MLIP: variants seen among roughly 807,000 people sequenced by gnomAD.
The protein encoded by MLIP is muscular LMNA interacting protein.
MLIP carries 79 observed loss-of-function variants against 84.8 expected under a neutral mutation model. The observed-to-expected ratio is 0.93, with a 90% CI of 0.78 to 1.12. MLIP has a LOEUF of 1.12. Among genes scored for constraint, MLIP ranks in the 50% most tolerant of loss-of-function variants. The probability of loss-of-function intolerance (pLI) is 0.00; values close to 1 mark genes in which losing one functional copy is unlikely to be tolerated. For synonymous variants in MLIP, 504 were observed against 463.0 expected (o/e 1.09, Z -1.14); for missense variants, 1,257 against 1,160.6 (o/e 1.08, Z -1.21).
At chr6:54,200,676 T>G (rs1405739618) in intron 10 of MLIP, among the ~76,000 whole-genome samples, 3 of 146,108 alleles carry the variant, frequency 2.1e-5, no homozygotes, top group Non-Finnish European at 4.5e-5. Context: ...GTGTATACTC[T>G]ATGGCATGAC....
At chr6:54,063,097 T>A (rs1766063221) in intron 1 of MLIP, among the ~76,000 whole-genome samples, 1 of 151,966 alleles carries the variant, frequency 6.6e-6, no homozygotes, top group Non-Finnish European at 1.5e-5. Context: ...TCCCAGCTAC[T>A]TGGGAGGCTA....
Position 54,136,863 on chromosome 6 carries a change from A to G in MLIP, c.794A>G (p.Asp265Gly). 1 of 1,535,220 alleles carries G rather than the reference A, an allele frequency of 6.5e-7. No homozygotes were observed. The highest frequency in any genetic ancestry group is 8.7e-7 in the Non-Finnish European group (1 of 1,146,152). ...VLEEFHTRRL[D>G]VGGAVVEESA... Reference sequence around the variant, plus strand: ...GAGGAGTTCCACACTAGGAGGCTGGATGTCGGTGGGGCCGTGGTGGAAGAA... The same window carrying G: ...GAGGAGTTCCACACTAGGAGGCTGGGTGTCGGTGGGGCCGTGGTGGAAGAA... The change falls in exon 4 of 14, where the codon GAT becomes GGT. Residue 265 changes from aspartate (D) to glycine (G), a missense_variant. Asp to Gly is a moderately conservative substitution (Grantham distance 94, BLOSUM62 -1). Coordinates refer to ENST00000502396, the MANE Select transcript of MLIP (RefSeq NM_001281747.2).
At chr6:54,170,688 G>A (rs1335022712) in intron 9 of MLIP, among the ~76,000 whole-genome samples, 1 of 151,320 alleles carries the variant, frequency 6.6e-6, no homozygotes, top group Non-Finnish European at 1.5e-5. Flanking sequence ...TATGAAATGG[G>A]GATACTAATA....
At chr6:54,214,068 C>G (rs1779682941) in intron 11 of MLIP, among the ~76,000 whole-genome samples, 1 of 152,282 alleles carries the variant, frequency 6.6e-6, no homozygotes, top group African/African-American at 2.4e-5. Flanking sequence ...TCAAGTAACA[C>G]ATTTTCAAGC....
At chr6:54,117,509 C>T (rs1035934002) in intron 1 of MLIP, among the ~76,000 whole-genome samples, 5 of 151,636 alleles carry the variant, frequency 3.3e-5, no homozygotes, top group East Asian at 2.0e-4. Flanking sequence ...CCACCGTGCC[C>T]GGCCCACTCT....
intron 11 of MLIP, among the ~76,000 whole-genome samples, chr6:54,222,528 T>G (rs1373579956): frequency 6.6e-6 from 1 of 152,106 alleles, no homozygotes; most frequent in East Asian, 1.9e-4. Context: ...TTAATTTATA[T>G]TGTCACAGAT....
chr6:54,213,366 G>A (rs925106960), intron 11 of MLIP, among the ~76,000 whole-genome samples: 7 of 152,094 alleles, frequency 4.6e-5, no homozygotes, highest in African/African-American at 1.7e-4. Context: ...GTGTCTAAAT[G>A]TATAGATTTT....
chr6:54,246,700 A>T (rs1782109823), intron 12 of MLIP, among the ~76,000 whole-genome samples: 1 of 151,998 alleles, frequency 6.6e-6, no homozygotes, highest in Non-Finnish European at 1.5e-5. Context: ...GTGTAGTTTT[A>T]ATTTACTGGT....
At chr6:54,230,944 C>T in intron 12 of MLIP, 27 bp downstream of exon 12, 2 of 1,599,730 alleles carry the variant, frequency 1.3e-6, no homozygotes, top group Non-Finnish European at 1.7e-6. Flanking sequence ...AAAATGAGGA[C>T]TATTCTATTC....
chr6:54,203,509 A>G (rs1582489737), intron 11 of MLIP: 2 of 152,050 alleles, frequency 1.3e-5, no homozygotes, highest in Non-Finnish European at 2.9e-5. Context: ...AACATAAAGA[A>G]TCTCTTATCT....
chr6:54,227,994 TA>T (rs1428168423), intron 11 of MLIP, among the ~76,000 whole-genome samples: 1 of 151,906 alleles, frequency 6.6e-6, no homozygotes, highest in Non-Finnish European at 1.5e-5. Context: ...TCATTCTGGC[TA>T]ACACGGTGAA....
chr6:54,220,499 G>T (rs1279205793), intron 11 of MLIP, among the ~76,000 whole-genome samples: 1 of 152,094 alleles, frequency 6.6e-6, no homozygotes, highest in Non-Finnish European at 1.5e-5. Context: ...ACAATAGAAT[G>T]ATGAACTGAA....
chr6:54,137,007 C>T lies in MLIP; in HGVS notation c.938C>T (p.Ser313Leu), dbSNP rs1381197910. The T allele has an allele frequency of 7.2e-6, 11 of 1,535,978 alleles. No individual in the cohort carries two copies. In the Admixed American group the frequency reaches 1.6e-4, roughly 22 times the overall value. The part of the protein sequence containing the change: ...TQLSGSNLPS[S>L]TAADPKPGLT... ...CTATCAGGTTCTAATTTACCCAGTT[C>T]AACTGCAGCAGATCCAAAGCCTGGA... Residue 313 changes from serine (S) to leucine (L), a missense_variant, in exon 4 of 14, where the codon TCA (serine) becomes TTA (leucine). Transcript: ENST00000502396.
intron 5 of MLIP, among the ~76,000 whole-genome samples, chr6:54,152,371 A>T (rs2150532406): frequency 6.6e-6 from 1 of 152,300 alleles, no homozygotes. Context: ...GCTGATAAAG[A>T]TATAACTGAG....
intron 1 of MLIP, among the ~76,000 whole-genome samples, chr6:54,052,177 G>C (rs1427290891): frequency 6.6e-6 from 1 of 152,084 alleles, no homozygotes; most frequent in Non-Finnish European, 1.5e-5. Flanking sequence ...TAGATCACAG[G>C]TGTAGCCCTT....
Position 54,138,259 on chromosome 6 carries a change from A to T in MLIP, c.2190A>T (p.Ser730=). ...ELISPCALSM[S]TGPENKKSKQ... ...TTTCACCTTGTGCATTGTCCATGTCAACAGGCCCAGAAAATAAGAAATCAA... is the reference window on the plus strand; with the variant it reads ...TTTCACCTTGTGCATTGTCCATGTCTACAGGCCCAGAAAATAAGAAATCAA... The change falls in exon 4 of 14, where the codon TCA becomes TCT. Residue 730 remains serine, a synonymous_variant. Transcript: ENST00000502396. 14 of 1,535,000 alleles carry T rather than the reference A, an allele frequency of 9.1e-6. No homozygotes were observed. The highest frequency in any genetic ancestry group is 1.2e-5 in the Non-Finnish European group (14 of 1,145,920).
intron 1 of MLIP, among the ~76,000 whole-genome samples, chr6:54,088,273 A>C (rs1767630807): frequency 6.6e-6 from 1 of 152,146 alleles, no homozygotes; most frequent in Admixed American, 6.6e-5. Flanking sequence ...GGAAGAAGTG[A>C]GGGTCTGGCC....
intron 1 of MLIP, among the ~76,000 whole-genome samples, chr6:54,073,416 A>G (rs1237033714): frequency 1.3e-5 from 2 of 152,318 alleles, no homozygotes; most frequent in African/African-American, 4.8e-5. Context: ...AAAAACAACA[A>G]CAAAGTATTT....
intron 1 of MLIP, among the ~76,000 whole-genome samples, chr6:54,059,447 T>A (rs1323336130): frequency 6.6e-6 from 1 of 152,222 alleles, no homozygotes; most frequent in Non-Finnish European, 1.5e-5. Flanking sequence ...ATACTTCCTC[T>A]TTATTCTCTA....
Sources: allele counts gnomAD v4.1 joint callset (sites outside exome capture counted in the v4.1 genomes callset), GRCh38; gene constraint gnomAD v4.1.1; transcripts MANE v1.5; gene names NCBI Gene and HGNC (gene_info 2026-07-23, HGNC 2026-07-21).